CDC42BPB: variants seen among roughly 807,000 people sequenced by gnomAD.
CDC42BPB encodes the protein CDC42 binding protein kinase beta.
CDC42BPB carries 37 observed loss-of-function variants against 214.9 expected under a neutral mutation model. The ratio of observed to expected loss-of-function variants is 0.17; its 90% confidence interval spans 0.13 to 0.23. The LOEUF is 0.23. Among genes scored for constraint, CDC42BPB ranks in the 10% least tolerant of loss-of-function variants. The pLI, the probability that CDC42BPB is intolerant of heterozygous loss-of-function variation, is 1.00. For synonymous variants in CDC42BPB, 931 were observed against 884.0 expected, an observed-to-expected ratio of 1.05 and a Z score of -0.94; for missense variants, 1,694 against 2,227.0, an observed-to-expected ratio of 0.76 and a Z score of 4.82.
At chr14:102,966,583 A>G (rs1413018248) in intron 17 of CDC42BPB, 196 bp from the exon 18 acceptor site, 1 of 890,120 alleles carries the variant, frequency 1.1e-6, no homozygotes, top group African/African-American at 1.8e-5. Context: ...CTGCAGTTTA[A>G]AAAGACACCA....
chr14:103,049,699 G>A (rs1226683210), intron 1 of CDC42BPB, among the ~76,000 whole-genome samples: 1 of 152,208 alleles, frequency 6.6e-6, no homozygotes, highest in Admixed American at 6.5e-5. Flanking sequence ...ATGGTGGGAA[G>A]TGCTGTTAAC....
Position 102,949,754 on chromosome 14 carries a change from C to T in CDC42BPB, c.3449+11G>A, listed in dbSNP as rs1404165097. ...TTCACAGAGCAAGGACAGTGCTGCC[C>T]AAACGCAGACCTGAGATCCAAGACT... On this transcript the variant is annotated intron_variant, in intron 26 of 36. Coordinates refer to ENST00000361246, the MANE Select transcript of CDC42BPB (RefSeq NM_006035.4). 10 of 1,613,088 alleles carry T rather than the reference C, an allele frequency of 6.2e-6. No homozygotes were observed. The South Asian group carries it at 9.9e-5, about 16-fold the overall frequency.
intron 1 of CDC42BPB, among the ~76,000 whole-genome samples, chr14:103,032,136 A>C (rs949153990): frequency 1.3e-5 from 2 of 152,056 alleles, no homozygotes; most frequent in Non-Finnish European, 2.9e-5. Flanking sequence ...TGGAGAAGCA[A>C]CACGTATTTC....
chr14:102,938,417 C>A lies in CDC42BPB; in HGVS notation c.4828-6G>T, dbSNP rs769017276. ...TGGGAGGGGGGCACAGCACTCTGGG[C>A]AGAAATAGCAACACGTGAGCATGCT... On this transcript the variant is annotated splice_polypyrimidine_tract_variant and splice_region_variant and intron_variant, in intron 34 of 36. Transcript: ENST00000361246. 1 of 1,528,536 alleles carries A rather than the reference C, an allele frequency of 6.5e-7. No homozygotes were observed. The highest frequency in any genetic ancestry group is 1.3e-5 in the South Asian group (1 of 75,998). The allele number at this position is 1,528,536 out of a possible 1,614,324, so 94.7% of individuals were successfully genotyped here.
chr14:103,053,595 A>C (rs1027092627), intron 1 of CDC42BPB, among the ~76,000 whole-genome samples: 6 of 150,306 alleles, frequency 4.0e-5, no homozygotes, highest in Non-Finnish European at 7.4e-5. Context: ...CCCCGTCTCT[A>C]CTAAAAATAC....
chr14:102,950,466 C>T lies in CDC42BPB; in HGVS notation c.3309G>A (p.Lys1103=). The change falls in exon 25 of 37, where the codon AAG becomes AAA. Residue 1103 remains lysine (K), a splice_region_variant and synonymous_variant. Transcript: ENST00000361246. ...TGAGGGCGGAGATGAAGCCGCCTAC[C>T]TTGACATGGCCTTTGTAGGCTGTTC... is the stretch of plus-strand genomic sequence containing the variant. ...GIGTAYKGHV[K]VPKPTGVKKG... 6.2e-7 allele frequency: 1 copy of T among 1,612,984 alleles called. No homozygotes were observed. Among genetic ancestry groups the T allele is most frequent in the Non-Finnish European group, 8.5e-7 (1 of 1,179,960 alleles).
At chr14:103,027,137 A>G (rs899177633) in intron 1 of CDC42BPB, among the ~76,000 whole-genome samples, 1 of 152,192 alleles carries the variant, frequency 6.6e-6, no homozygotes, top group African/African-American at 2.4e-5. Context: ...CTGTAACCAG[A>G]CCTCACTTCA....
intron 21 of CDC42BPB, among the ~76,000 whole-genome samples, chr14:102,958,419 C>T (rs1892805902): frequency 6.6e-6 from 1 of 152,186 alleles, no homozygotes; most frequent in Non-Finnish European, 1.5e-5. Flanking sequence ...CACTCGCCTG[C>T]AGGGCTGGAG....
Position 102,985,482 on chromosome 14 carries a change from C to G in CDC42BPB, c.690+1005G>C, listed in dbSNP as rs112548565. On this transcript the variant is annotated intron_variant, in intron 6 of 36. Transcript: ENST00000361246. ...GTGGAGGGTAACCCATGTTCTGGTTCAGACCTGTTCTAGTCACTGGAAGAC... is the reference window on the plus strand; with the variant it reads ...GTGGAGGGTAACCCATGTTCTGGTTGAGACCTGTTCTAGTCACTGGAAGAC... 5.0e-3 allele frequency among the ~76,000 whole-genome samples: 755 copies of G among 152,314 alleles called. 12 individuals are homozygous for G. The highest frequency in any genetic ancestry group is 0.017 in the African/African-American group (705 of 41,556).
intron 1 of CDC42BPB, among the ~76,000 whole-genome samples, chr14:103,031,556 C>A (rs1887376785): frequency 1.3e-5 from 2 of 152,232 alleles, no homozygotes; most frequent in Non-Finnish European, 2.9e-5. Context: ...AAGATTTATA[C>A]TACCAGGGTT....
In CDC42BPB at chr14:102,933,523, T is replaced by C. The variant is rs2139324538; in HGVS notation, c.*189A>G. 4.1e-6 allele frequency: 2 copies of C among 490,886 alleles called. No individual in the cohort carries two copies. Among genetic ancestry groups the C allele is most frequent in the East Asian group, 3.5e-5 (1 of 28,206 alleles). The allele number at this position is 490,886 out of a possible 1,614,324, so 30.4% of individuals were successfully genotyped here. A position where few individuals can be genotyped will look rare whatever the true frequency, so the allele number is the denominator to read the frequency against. On this transcript the variant is annotated 3_prime_UTR_variant, in exon 37 of 37. Coordinates refer to ENST00000361246, the MANE Select transcript of CDC42BPB (RefSeq NM_006035.4). ...CCTCACAGCTGTGCAGACGAACAGA[T>C]GTGGTCTACTGCCACGAACAATGCG...
At chr14:102,998,623 G>C (rs898656886) in intron 5 of CDC42BPB, among the ~76,000 whole-genome samples, 11 of 152,236 alleles carry the variant, frequency 7.2e-5, no homozygotes, top group African/African-American at 2.7e-4. Context: ...CAGCCGAGAA[G>C]GCAGAGGGGG....
In CDC42BPB at chr14:102,943,221, G is replaced by A. The variant is rs1891980871; in HGVS notation, c.4408+670C>T. Among the ~76,000 whole-genome samples, 1 of 152,166 alleles carries A rather than the reference G, an allele frequency of 6.6e-6. No individual in the cohort carries two copies. The highest frequency in any genetic ancestry group is 1.5e-5 in the Non-Finnish European group (1 of 68,036). Reference sequence around the variant, plus strand: ...ACTTCTGAGCTCAAGTGAGCCTCCTGCCTCAGTCTCGCACAGTGCTGGGAT... The same window carrying A: ...ACTTCTGAGCTCAAGTGAGCCTCCTACCTCAGTCTCGCACAGTGCTGGGAT... On this transcript the variant is annotated intron_variant, in intron 30 of 36. Transcript: ENST00000361246. The surrounding 1 kb of genome is among the most constrained non-coding windows in gnomAD (Gnocchi z 4.6).
intron 5 of CDC42BPB, 104 bp from the exon 6 acceptor site, chr14:102,986,684 C>T: frequency 6.8e-7 from 1 of 1,475,194 alleles, no homozygotes; most frequent in Non-Finnish European, 9.0e-7. Context: ...CTAATATCCT[C>T]TTGTGAACAG....
intron 1 of CDC42BPB, among the ~76,000 whole-genome samples, chr14:103,030,143 G>C (rs1273630736): frequency 1.3e-5 from 2 of 152,214 alleles, no homozygotes; most frequent in African/African-American, 4.8e-5. Flanking sequence ...AGCGTGGAGC[G>C]GCCAGCCCGG....
chr14:102,973,784 G>T (rs1443362985), intron 12 of CDC42BPB, among the ~76,000 whole-genome samples: 1 of 152,234 alleles, frequency 6.6e-6, no homozygotes, highest in African/African-American at 2.4e-5. Context: ...GGGGCAAGGG[G>T]GTGGAAGGCA....
intron 1 of CDC42BPB, among the ~76,000 whole-genome samples, chr14:103,043,984 A>G (rs1464844755): frequency 6.6e-6 from 1 of 152,200 alleles, no homozygotes; most frequent in Non-Finnish European, 1.5e-5. Context: ...TCTTGTTATG[A>G]CACAGTATAA....
chr14:103,026,100 G>A (rs549126351), intron 1 of CDC42BPB, among the ~76,000 whole-genome samples: 6 of 152,096 alleles, frequency 3.9e-5, no homozygotes, highest in Non-Finnish European at 5.9e-5. Context: ...CTCAAACTAC[G>A]AAACACTTAA....
chr14:103,026,865 C>T (rs1295943671), intron 1 of CDC42BPB, among the ~76,000 whole-genome samples: 2 of 148,374 alleles, frequency 1.3e-5, no homozygotes, highest in Non-Finnish European at 3.0e-5. Context: ...GAGACTCCGT[C>T]TCATTAAAAA....
Sources: gnomAD v4.1 joint callset for allele counts (sites outside exome capture counted in the v4.1 genomes callset) on GRCh38, gnomAD v4.1.1 for gene constraint, Gnocchi (gnomAD v3.1) non-coding constraint, MANE v1.5 for transcripts, NCBI Gene and HGNC (gene_info 2026-07-23, HGNC 2026-07-21) for gene names.